The following UBE2B variants were observed in gnomAD, a reference collection of about 807,000 sequenced individuals.
UBE2B encodes the protein ubiquitin-conjugating enzyme E2 B.
Under a neutral mutation model 24.6 loss-of-function variants are expected in UBE2B, and 11 were observed. That is an observed-to-expected ratio of 0.45 (90% confidence interval 0.28 to 0.74). The LOEUF is 0.74. UBE2B is among the 30% of genes least tolerant of loss of function. The pLI is 0.13. For synonymous variants in UBE2B, 68 were observed against 62.4 expected, an observed-to-expected ratio of 1.09 and a Z score of -0.42; for missense variants, 78 against 185.6, an observed-to-expected ratio of 0.42 and a Z score of 3.37.
At chr5:134,374,591 A>C in intron 2 of UBE2B, 128 bp downstream of exon 2, 2 of 1,047,344 alleles carry the variant, frequency 1.9e-6, no homozygotes, top group Middle Eastern at 2.2e-4. Flanking sequence ...CTGCAAGATA[A>C]ATTAGAAAAA....
At chr5:134,374,204 A>G (rs1188732187) in intron 1 of UBE2B, among the ~76,000 whole-genome samples, 179 bp from the exon 2 acceptor site, 1 of 152,240 alleles carries the variant, frequency 6.6e-6, no homozygotes, top group Admixed American at 6.5e-5. Flanking sequence ...AGAGGTATTT[A>G]ATAAGTATAT....
intron 3 of UBE2B, among the ~76,000 whole-genome samples, chr5:134,377,110 T>C (rs952205924): frequency 2.0e-5 from 3 of 152,230 alleles, no homozygotes; most frequent in African/African-American, 7.2e-5. Flanking sequence ...ACTACTAGCA[T>C]TTAACACCCA....
At chr5:134,386,277 G>A (rs893131618) in intron 4 of UBE2B, among the ~76,000 whole-genome samples, 11 of 150,842 alleles carry the variant, frequency 7.3e-5, no homozygotes, top group Non-Finnish European at 1.6e-4. Context: ...GCAGTGAGCC[G>A]AGTTCTCACC....
chr5:134,389,841 C>G (rs985118533), intron 5 of UBE2B: 22 of 275,158 alleles, frequency 8.0e-5, no homozygotes, highest in Non-Finnish European at 1.1e-4. Flanking sequence ...GCCACCACAC[C>G]CGACCTCTTT....
chr5:134,386,499 G>T (rs1758804275), intron 4 of UBE2B, among the ~76,000 whole-genome samples: 1 of 151,956 alleles, frequency 6.6e-6, no homozygotes, highest in South Asian at 2.1e-4. Flanking sequence ...GGGCGTGGTG[G>T]TGGGCACCTG....
chr5:134,384,301 C>T (rs1163143091), intron 4 of UBE2B, among the ~76,000 whole-genome samples: 1 of 151,972 alleles, frequency 6.6e-6, no homozygotes, highest in Admixed American at 6.6e-5. Flanking sequence ...GTAATAGATA[C>T]TACCTTTGGC....
chr5:134,383,020 C>T (rs895849704), intron 4 of UBE2B, among the ~76,000 whole-genome samples: 1 of 151,874 alleles, frequency 6.6e-6, no homozygotes, highest in African/African-American at 2.4e-5. Context: ...CAAAAATTAG[C>T]TGGGCATGGT....
intron 4 of UBE2B, among the ~76,000 whole-genome samples, chr5:134,383,022 G>A (rs1484328634): frequency 6.6e-6 from 1 of 151,786 alleles, no homozygotes; most frequent in Non-Finnish European, 1.5e-5. Flanking sequence ...AAAATTAGCT[G>A]GGCATGGTGG....
chr5:134,390,020 G>C lies in UBE2B; in HGVS notation c.331-205G>C. ...TAAGGCAATTGAGAACTTTATTTCA[G>C]AAGCTTAAGTTCCTTAGCAGCAGGA... is the stretch of plus-strand genomic sequence containing the variant. On this transcript the variant is annotated intron_variant, in intron 5 of 5. Coordinates refer to ENST00000265339, the MANE Select transcript of UBE2B (RefSeq NM_003337.4). The surrounding 1 kb of genome is among the most constrained non-coding windows in gnomAD (Gnocchi z 4.6). 3.5e-6 allele frequency: 2 copies of C among 572,164 alleles called. No homozygotes were observed. The highest frequency in any genetic ancestry group is 6.1e-6 in the Non-Finnish European group (2 of 329,592). The allele number at this position is 572,164 out of a possible 1,614,324, so 35.4% of individuals were successfully genotyped here. A position where few individuals can be genotyped will look rare whatever the true frequency, so the allele number is the denominator to read the frequency against.
At chr5:134,383,912 C>G (rs1048402760) in intron 4 of UBE2B, among the ~76,000 whole-genome samples, 1 of 151,920 alleles carries the variant, frequency 6.6e-6, no homozygotes. Flanking sequence ...ATGTCATTTT[C>G]CATTTTTTTC....
At chr5:134,388,260 TA>T in intron 4 of UBE2B, 64 bp from the exon 5 acceptor site, 2 of 1,366,648 alleles carry the variant, frequency 1.5e-6, no homozygotes, top group Non-Finnish European at 2.1e-6. Flanking sequence ...TTCTGTTTGG[TA>T]AAGATTTCTC....
At chr5:134,380,131 C>T (rs1758685317) in intron 3 of UBE2B, among the ~76,000 whole-genome samples, 1 of 152,164 alleles carries the variant, frequency 6.6e-6, no homozygotes, top group Admixed American at 6.5e-5. Context: ...AGGCTAGTCT[C>T]AACTCCTGAC....
chr5:134,390,119 G>A lies in UBE2B; in HGVS notation c.331-106G>A. 1 of 1,357,966 alleles carries A rather than the reference G, an allele frequency of 7.4e-7. No homozygotes were observed. Among genetic ancestry groups the A allele is most frequent in the Non-Finnish European group, 1.0e-6 (1 of 968,992 alleles). 84.1% of individuals were successfully genotyped at this position (1,357,966 alleles called of 1,614,324 possible). ...ATTATATGACATGTTAATCTCTGAAGTAATTTGTTGTTTTGTATAACTTTT... is the reference window on the plus strand; with the variant it reads ...ATTATATGACATGTTAATCTCTGAAATAATTTGTTGTTTTGTATAACTTTT... On this transcript the variant is annotated intron_variant, in intron 5 of 5. Coordinates refer to ENST00000265339, the MANE Select transcript of UBE2B (RefSeq NM_003337.4). The surrounding 1 kb of genome is among the most constrained non-coding windows in gnomAD (Gnocchi z 4.6).
Position 134,376,340 on chromosome 5 carries a change from A to ATATATATATATATATATATATAT in UBE2B, c.126-329_126-328insTATATATATATATATATATATAT, listed in dbSNP as rs1206993709. Among the ~76,000 whole-genome samples, 8 of 5,918 alleles carry ATATATATATATATATATATATAT rather than the reference A, an allele frequency of 1.4e-3. 1 individual carries two copies. The highest frequency in any genetic ancestry group is 4.2e-3 in the East Asian group (1 of 238). The allele number at this position is 5,918 out of a possible 152,430, so 3.9% of individuals were successfully genotyped here. ...TCCGTCTCAAAAAAAAAAAAAAAAAAAAAAAAAAATATATATATATATATA... is the reference window on the plus strand; with the variant it reads ...TCCGTCTCAAAAAAAAAAAAAAAAAATATATATATATATATATATATATAAAAAAAAATATATATATATATATA... On this transcript the variant is annotated intron_variant, in intron 2 of 5. Coordinates refer to ENST00000265339, the MANE Select transcript of UBE2B (RefSeq NM_003337.4).
intron 4 of UBE2B, among the ~76,000 whole-genome samples, chr5:134,381,089 T>C (rs34974753): frequency 0.15 from 21,943 of 150,406 alleles, 1,972 homozygotes; most frequent in African/African-American, 0.25. Context: ...GCCTCAGCCT[T>C]GTGAGTAGCT....
intron 3 of UBE2B, among the ~76,000 whole-genome samples, chr5:134,379,717 A>G (rs1758674621): frequency 6.6e-6 from 1 of 151,922 alleles, no homozygotes; most frequent in Non-Finnish European, 1.5e-5. Flanking sequence ...GTGTGAGGCC[A>G]GATTTTCTTC....
At chr5:134,379,585 G>A (rs1055962205) in intron 3 of UBE2B, among the ~76,000 whole-genome samples, 20 of 148,710 alleles carry the variant, frequency 1.3e-4, no homozygotes, top group African/African-American at 4.8e-4. Context: ...GACGGAGGCT[G>A]CAGTAAGCTG....
chr5:134,371,727 C>T (rs1173084980), intron 1 of UBE2B, 88 bp downstream of exon 1: 66 of 1,572,000 alleles, frequency 4.2e-5, no homozygotes, highest in Middle Eastern at 1.7e-4. Context: ...CCCTTTGTGA[C>T]CCTCAGAGGG....
chr5:134,390,463 AAAAG>A lies in UBE2B; in HGVS notation c.*114_*117del, dbSNP rs1352609475. On this transcript the variant is annotated 3_prime_UTR_variant, in exon 6 of 6. Transcript: ENST00000265339. The surrounding 1 kb of genome is among the most constrained non-coding windows in gnomAD (Gnocchi z 4.6). ...CAGGTTTTAAGGATTCTGCAGAAAA[AAAAG>A]AAAAAAGTCCTTCAGTTTAGAACCT... 2.9e-6 allele frequency: 4 copies of A among 1,363,358 alleles called. No homozygotes were observed. Among genetic ancestry groups the A allele is most frequent in the African/African-American group, 1.5e-5 (1 of 68,522 alleles). 84.5% of individuals were successfully genotyped at this position (1,363,358 alleles called of 1,614,324 possible).
Sources: allele counts gnomAD v4.1 joint callset (sites outside exome capture counted in the v4.1 genomes callset), GRCh38; gene constraint gnomAD v4.1.1; non-coding constraint Gnocchi (gnomAD v3.1); transcripts MANE v1.5; gene names NCBI Gene and HGNC (gene_info 2026-07-23, HGNC 2026-07-21).